The following ADRA1B variants were observed in gnomAD, a reference collection of about 807,000 sequenced individuals.
The protein encoded by ADRA1B is adrenoceptor alpha 1B, also known as alpha-1B adrenergic receptor.
Under a neutral mutation model 17.9 loss-of-function variants are expected in ADRA1B, and 17 were observed. That is an observed-to-expected ratio of 0.95 (90% CI 0.65 to 1.42). The LOEUF is 1.42. ADRA1B is among the 40% of genes most tolerant of loss of function. The probability of loss-of-function intolerance (pLI) is 0.00; values close to 1 mark genes in which losing one functional copy is unlikely to be tolerated. For synonymous variants in ADRA1B, 366 were observed against 327.6 expected, an observed-to-expected ratio of 1.12 and a Z score of -1.27; for missense variants, 681 against 722.1, an observed-to-expected ratio of 0.94 and a Z score of 0.65.
In ADRA1B at chr5:159,972,045, C is replaced by A. The variant is rs8192450; in HGVS notation, c.1116C>A (p.Arg372=). The A allele has an allele frequency of 2.6e-4, 349 of 1,356,048 alleles. 1 individual carries two copies. Among genetic ancestry groups the A allele is most frequent in the Middle Eastern group, 1.9e-3 (9 of 4,810 alleles). The allele number at this position is 1,356,048 out of a possible 1,614,324, so 84.0% of individuals were successfully genotyped here. ...GGTGCCAGTGCCGCGGCCGCGGCCG[C>A]CGCCGACGCCGCCGCCGCCGTCGCC... ...ILGCQCRGRG[R]RRRRRRRRLG... is the part of the protein sequence containing the mutation. The change falls in exon 2 of 2, where the codon CGC becomes CGA. Residue 372 remains arginine (R), a synonymous_variant. Coordinates refer to ENST00000306675, the MANE Select transcript of ADRA1B (RefSeq NM_000679.4).
intron 1 of ADRA1B, among the ~76,000 whole-genome samples, chr5:159,936,085 T>C (rs1754947757): frequency 6.6e-6 from 1 of 152,220 alleles, no homozygotes; most frequent in African/African-American, 2.4e-5. Flanking sequence ...AAATCAGTAG[T>C]TCTCAACCAA....
chr5:159,900,021 A>G (rs1004179458), intron 1 of ADRA1B, among the ~76,000 whole-genome samples: 4 of 152,224 alleles, frequency 2.6e-5, no homozygotes, highest in African/African-American at 9.6e-5. Context: ...TTCCTCACAA[A>G]TGCCTTTATC....
intron 1 of ADRA1B, chr5:159,950,972 G>T: frequency 1.6e-6 from 1 of 608,268 alleles, no homozygotes; most frequent in East Asian, 3.5e-5. Flanking sequence ...GGCGTGGACT[G>T]TATTCTGGAA....
At chr5:159,897,329 T>C (rs1387919001) in intron 1 of ADRA1B, among the ~76,000 whole-genome samples, 2 of 151,666 alleles carry the variant, frequency 1.3e-5, no homozygotes, top group African/African-American at 2.4e-5. Context: ...CTACTACAAA[T>C]ACAAAAATTA....
intron 1 of ADRA1B, among the ~76,000 whole-genome samples, chr5:159,866,523 G>T (rs1753655721): frequency 6.6e-6 from 1 of 151,530 alleles, no homozygotes; most frequent in South Asian, 2.1e-4. Context: ...GGAGGCGGAG[G>T]TTGGGGTGAG....
chr5:159,915,198 A>G (rs575322972), upstream of ADRA1B, among the ~76,000 whole-genome samples: 4 of 152,298 alleles, frequency 2.6e-5, no homozygotes, highest in South Asian at 8.3e-4. Flanking sequence ...ACAGTAGCTG[A>G]GTACCCAACT....
At chr5:159,971,753 G>T (rs1215092725) in intron 1 of ADRA1B, 126 bp from the exon 2 acceptor site, 2 of 1,038,772 alleles carry the variant, frequency 1.9e-6, no homozygotes, top group South Asian at 8.3e-5. Context: ...GAACCGGCTC[G>T]GGGAAAGGCC....
Position 159,972,442 on chromosome 5 carries a change from G to T in ADRA1B, c.1513G>T (p.Gly505Trp), listed in dbSNP as rs1363228340. 2.5e-5 allele frequency: 38 copies of T among 1,493,930 alleles called. No individual in the cohort carries two copies. Among genetic ancestry groups the T allele is most frequent in the Non-Finnish European group, 3.0e-5 (34 of 1,126,240 alleles). The allele number at this position is 1,493,930 out of a possible 1,614,324, so 92.5% of individuals were successfully genotyped here. A position where few individuals can be genotyped will look rare whatever the true frequency, so the allele number is the denominator to read the frequency against. Residue 505 changes from glycine to tryptophan, a missense_variant, in exon 2 of 2, where the codon GGG (glycine) becomes TGG (tryptophan). Coordinates refer to ENST00000306675, the MANE Select transcript of ADRA1B (RefSeq NM_000679.4). The stretch of plus-strand genomic sequence containing the variant: ...CGAGGCCGCGGCCGACGTGGCCAAC[G>T]GGCAGCCGGGCTTCAAAAGCAACAT... ...GCEAAADVAN[G>W]QPGFKSNMPL...
the ADRA1B span, among the ~76,000 whole-genome samples, chr5:159,979,031 A>T: frequency 7.2e-5 from 11 of 152,336 alleles, no homozygotes; most frequent in South Asian, 2.3e-3. Context: ...GAGCTTGTAC[A>T]GTCATTCAAA....
At chr5:159,985,246 A>G in the ADRA1B span, among the ~76,000 whole-genome samples, 3 of 152,084 alleles carry the variant, frequency 2.0e-5, no homozygotes, top group African/African-American at 4.8e-5. Flanking sequence ...ATCATCTGTC[A>G]CTCTGCAGCT....
intron 1 of ADRA1B, among the ~76,000 whole-genome samples, chr5:159,931,436 C>T (rs1458439486): frequency 6.6e-6 from 1 of 151,712 alleles, no homozygotes; most frequent in Non-Finnish European, 1.5e-5. Flanking sequence ...GCCCTTTCCT[C>T]TGCTGGTTAC....
chr5:159,924,776 A>G (rs1754597211), intron 1 of ADRA1B, among the ~76,000 whole-genome samples: 1 of 152,194 alleles, frequency 6.6e-6, no homozygotes, highest in African/African-American at 2.4e-5. Context: ...AGTAAAAATA[A>G]CTGATGTCTG....
upstream of ADRA1B, among the ~76,000 whole-genome samples, chr5:159,911,739 G>C (rs1257521632): frequency 2.0e-5 from 3 of 152,172 alleles, no homozygotes; most frequent in East Asian, 3.9e-4. Flanking sequence ...AGAAGGCTTT[G>C]CTGTAGTTAG....
the ADRA1B span, among the ~76,000 whole-genome samples, chr5:159,981,185 T>G: frequency 6.6e-6 from 1 of 152,212 alleles, no homozygotes; most frequent in African/African-American, 2.4e-5. Flanking sequence ...GATCAAGATT[T>G]CTGAATCCCG....
In ADRA1B at chr5:159,916,495, GC is replaced by G. The variant is rs13306142; in HGVS notation, c.-410del. On this transcript the variant is annotated 5_prime_UTR_variant, in exon 1 of 2. Coordinates refer to ENST00000306675, the MANE Select transcript of ADRA1B (RefSeq NM_000679.4). ...TCACCGCCGTGCAGTCAGCCCAGAA[GC>G]GGCTCATTGAAAGCAGACCCTCTTC... 30 of 156,358 alleles carry G rather than the reference GC, an allele frequency of 1.9e-4. No homozygotes were observed. In the East Asian group the frequency reaches 5.5e-3, roughly 29 times the overall value. The allele number at this position is 156,358 out of a possible 1,614,324, so 9.7% of individuals were successfully genotyped here.
At position 159,972,675 on chromosome 5, in the gene ADRA1B, G is replaced by A. The variant is rs1331954631; in HGVS notation, c.*183G>A. ...CAGGGGCATGGGTGCCAGGTACCACGCGGAAAGCCGGGCCGAGCATGCTGA... is the reference window on the plus strand; with the variant it reads ...CAGGGGCATGGGTGCCAGGTACCACACGGAAAGCCGGGCCGAGCATGCTGA... On this transcript the variant is annotated 3_prime_UTR_variant, in exon 2 of 2. Transcript: ENST00000306675. 3 of 714,056 alleles carry A rather than the reference G, an allele frequency of 4.2e-6. No individual in the cohort carries two copies. Among genetic ancestry groups the A allele is most frequent in the Non-Finnish European group, 6.3e-6 (3 of 478,216 alleles). 44.2% of individuals were successfully genotyped at this position (714,056 alleles called of 1,614,324 possible).
At chr5:159,936,544 T>A (rs1398009023) in intron 1 of ADRA1B, among the ~76,000 whole-genome samples, 1 of 152,178 alleles carries the variant, frequency 6.6e-6, no homozygotes, top group Non-Finnish European at 1.5e-5. Context: ...ATGTAAACTT[T>A]CAGACTGATA....
chr5:159,890,296 C>T (rs17674132), intron 1 of ADRA1B, among the ~76,000 whole-genome samples: 29,435 of 152,154 alleles, frequency 0.19, 2,994 homozygotes, highest in African/African-American at 0.23. Flanking sequence ...CAACCTCCTT[C>T]CAATAGCAGC....
chr5:159,982,884 ATAT>A, the ADRA1B span, among the ~76,000 whole-genome samples: 2 of 152,174 alleles, frequency 1.3e-5, no homozygotes, highest in Non-Finnish European at 2.9e-5. Flanking sequence ...ATATCACAAA[ATAT>A]TATCCAGTCA....
Sources: allele counts gnomAD v4.1 joint callset (sites outside exome capture counted in the v4.1 genomes callset), GRCh38; gene constraint gnomAD v4.1.1; transcripts MANE v1.5; gene names NCBI Gene and HGNC (gene_info 2026-07-23, HGNC 2026-07-21).